The following GGH variants were observed in gnomAD, a reference collection of about 807,000 sequenced individuals.
The protein encoded by GGH is gamma-Glu-X carboxypeptidase.
A neutral mutation model predicts 39.2 loss-of-function variants in GGH; 18 were observed. The observed-to-expected ratio is 0.46, with a 90% CI of 0.32 to 0.68. The LOEUF (loss-of-function observed/expected upper bound fraction) is 0.68. GGH is among the 30% of genes least tolerant of loss of function. The probability of loss-of-function intolerance (pLI) is 0.04; values close to 1 mark genes in which losing one functional copy is unlikely to be tolerated. For missense variants in GGH, 367 were observed against 384.1 expected (o/e 0.96, Z 0.37); for synonymous variants, 147 against 138.8 (o/e 1.06, Z -0.42).
At chr8:63,038,215 T>G (rs1475406566) in intron 1 of GGH, among the ~76,000 whole-genome samples, 2 of 152,252 alleles carry the variant, frequency 1.3e-5, no homozygotes, top group Non-Finnish European at 2.9e-5. Flanking sequence ...AAGTTATACC[T>G]TAATTTCTTG....
chr8:63,027,446 A>C lies in GGH; in HGVS notation c.276-181T>G, dbSNP rs141337035. 3.6e-3 allele frequency among the ~76,000 whole-genome samples: 552 copies of C among 152,364 alleles called. 9 individuals are homozygous for C. The highest frequency in any genetic ancestry group is 0.027 in the Admixed American group (406 of 15,304). ...ATAAAATATTTACAATCCCATTCAG[A>C]AACTACAGCAGTTAACAACACTTTA... On this transcript the variant is annotated intron_variant, in intron 3 of 8. Transcript: ENST00000260118.
At chr8:63,023,072 G>A (rs919392419) in intron 7 of GGH, among the ~76,000 whole-genome samples, 8 of 152,092 alleles carry the variant, frequency 5.3e-5, no homozygotes, top group Admixed American at 1.3e-4. Flanking sequence ...AACTTCATAT[G>A]TTGAAATTCC....
intron 1 of GGH, 110 bp from the exon 2 acceptor site, chr8:63,035,880 T>G: frequency 2.0e-6 from 2 of 1,008,400 alleles, no homozygotes; most frequent in Non-Finnish European, 1.4e-6. Context: ...TCCACAGAAT[T>G]AAATAGGAAG....
chr8:63,017,458 C>A, intron 8 of GGH, 35 bp downstream of exon 8: 4 of 1,516,758 alleles, frequency 2.6e-6, no homozygotes, highest in Non-Finnish European at 3.6e-6. Context: ...TTCAAAACTA[C>A]CCCAGAATAA....
At chr8:63,030,258 G>T in intron 2 of GGH, 41 bp from the exon 3 acceptor site, 2 of 948,980 alleles carry the variant, frequency 2.1e-6, no homozygotes, top group Non-Finnish European at 3.4e-6. Flanking sequence ...GTGAAACTTA[G>T]AAGTAAACCT....
intron 8 of GGH, 110 bp from the exon 9 acceptor site, chr8:63,015,563 CAAG>C: frequency 5.1e-6 from 3 of 592,326 alleles, no homozygotes; most frequent in East Asian, 3.3e-5. Context: ...AAAATATCAA[CAAG>C]AAGAGAAATG....
At chr8:63,020,737 G>T (rs1804570336) in intron 7 of GGH, among the ~76,000 whole-genome samples, 1 of 152,140 alleles carries the variant, frequency 6.6e-6, no homozygotes, top group Non-Finnish European at 1.5e-5. Flanking sequence ...GGTCGTGCAG[G>T]GTACAAGCTA....
At chr8:63,024,373 A>C in intron 5 of GGH, 187 bp from the exon 6 acceptor site, 1 of 488,570 alleles carries the variant, frequency 2.0e-6, no homozygotes, top group Non-Finnish European at 3.6e-6. Context: ...CATAAACTCA[A>C]ATATGCTCCA....
At chr8:63,021,298 A>T (rs1387711447) in intron 7 of GGH, among the ~76,000 whole-genome samples, 1 of 152,040 alleles carries the variant, frequency 6.6e-6, no homozygotes, top group Non-Finnish European at 1.5e-5. Context: ...GTTGTTTTCC[A>T]TTTTTTTGCT....
At chr8:63,037,698 C>T (rs1303673872) in intron 1 of GGH, among the ~76,000 whole-genome samples, 5 of 152,146 alleles carry the variant, frequency 3.3e-5, no homozygotes, top group Non-Finnish European at 7.4e-5. Context: ...GGAAGAATCC[C>T]CTCTGCTTTT....
intron 2 of GGH, among the ~76,000 whole-genome samples, chr8:63,031,882 G>A (rs143581278): frequency 1.3e-5 from 2 of 152,310 alleles, no homozygotes; most frequent in East Asian, 3.9e-4. Context: ...GCTTAAGCCT[G>A]GTGATGATGG....
intron 3 of GGH, among the ~76,000 whole-genome samples, chr8:63,028,678 C>G (rs902088524): frequency 2.0e-5 from 3 of 152,242 alleles, no homozygotes; most frequent in Middle Eastern, 6.8e-3. Flanking sequence ...AGAAAAGGGG[C>G]CTACAGGAGC....
intron 4 of GGH, 28 bp downstream of exon 4, chr8:63,027,153 G>T: frequency 9.8e-7 from 1 of 1,021,642 alleles, no homozygotes; most frequent in Non-Finnish European, 1.6e-6. Flanking sequence ...AAACCCATCT[G>T]GAATAATAAG....
At chr8:63,038,572 CGCGCCAGCTGGAGCGCGGCGGCGGGAG>C (rs1208782872) in intron 1 of GGH, 61 bp downstream of exon 1, 4 of 655,534 alleles carry the variant, frequency 6.1e-6, no homozygotes. Flanking sequence ...CCCGGCGGGA[CGCGCCAGCTGGAGCGCGGCGGCGGGAG>C]GCGCCCAGCG....
In GGH at chr8:63,038,716, G is replaced by A; in HGVS notation, c.53C>T (p.Ala18Val). 2 of 1,583,676 alleles carry A rather than the reference G, an allele frequency of 1.3e-6. No individual in the cohort carries two copies. The highest frequency in any genetic ancestry group is 1.7e-6 in the Non-Finnish European group (2 of 1,165,740). ...GGGTCTAGACAGCTCGAGGCTCGCC[G>A]CCCCGCAGAGTAGCAGGCCCAGCAC... ...LCVLGLLLCG[A>V]ASLELSRPHG... is the part of the protein sequence containing the mutation. Residue 18 changes from alanine to valine, a missense_variant, in exon 1 of 9, where the codon GCG (alanine) becomes GTG (valine). Coordinates refer to ENST00000260118, the MANE Select transcript of GGH (RefSeq NM_003878.3).
At chr8:63,034,510 T>C (rs1804864965) in intron 2 of GGH, among the ~76,000 whole-genome samples, 1 of 152,188 alleles carries the variant, frequency 6.6e-6, no homozygotes, top group African/African-American at 2.4e-5. Context: ...CAAAATGGAT[T>C]AGATGAGGTG....
chr8:63,032,197 C>A (rs946267339), intron 2 of GGH, among the ~76,000 whole-genome samples: 43 of 151,996 alleles, frequency 2.8e-4, no homozygotes, highest in Admixed American at 3.3e-4. Flanking sequence ...CCACTCCCAG[C>A]TCATTTTTTA....
In GGH at chr8:63,015,277, T is replaced by G; in HGVS notation, c.*55A>C. 1 of 939,198 alleles carries G rather than the reference T, an allele frequency of 1.1e-6. No individual in the cohort carries two copies. The highest frequency in any genetic ancestry group is 1.6e-6 in the Non-Finnish European group (1 of 612,670). The allele number at this position is 939,198 out of a possible 1,614,324, so 58.2% of individuals were successfully genotyped here. On this transcript the variant is annotated 3_prime_UTR_variant, in exon 9 of 9. Transcript: ENST00000260118. ...TCTTGCCATGAGTAGCAAGTTATTCTAACAGTTTAATCATGGAATTATTCA... is the reference window on the plus strand; with the variant it reads ...TCTTGCCATGAGTAGCAAGTTATTCGAACAGTTTAATCATGGAATTATTCA...
intron 5 of GGH, chr8:63,024,732 A>G (rs543396466): frequency 6.8e-6 from 1 of 146,564 alleles, no homozygotes; most frequent in South Asian, 2.3e-4. Context: ...ACCAACAAAC[A>G]GATTTTGAAA....
Sources: allele counts gnomAD v4.1 joint callset (sites outside exome capture counted in the v4.1 genomes callset), GRCh38; gene constraint gnomAD v4.1.1; transcripts MANE v1.5; gene names NCBI Gene and HGNC (gene_info 2026-07-23, HGNC 2026-07-21).